CREB5: variants seen among roughly 807,000 people sequenced by gnomAD.
The protein encoded by CREB5 is cAMP responsive element binding protein 5.
CREB5 carries 19 observed loss-of-function variants against 57.1 expected under a neutral mutation model. The observed-to-expected ratio is 0.33, with a 90% CI of 0.23 to 0.49. The LOEUF (loss-of-function observed/expected upper bound fraction) is 0.49. Ranked by LOEUF, CREB5 falls within the 20% of genes least tolerant of loss-of-function variation. CREB5 has a pLI of 0.99. For missense variants in CREB5, 579 were observed against 671.6 expected (o/e 0.86, Z 1.52); for synonymous variants, 238 against 238.3 (o/e 1.00, Z 0.01).
At chr7:28,619,374 C>A (rs1407968009) in intron 5 of CREB5, among the ~76,000 whole-genome samples, 1 of 152,236 alleles carries the variant, frequency 6.6e-6, no homozygotes, top group South Asian at 2.1e-4. Flanking sequence ...ATGTTCCTCA[C>A]TGGCAAATGT....
intron 4 of CREB5, among the ~76,000 whole-genome samples, chr7:28,561,005 C>CGT (rs1375240061): frequency 3.7e-5 from 1 of 26,926 alleles, no homozygotes; most frequent in Non-Finnish European, 7.9e-5. Flanking sequence ...CCTGCGTGTG[C>CGT]GTGTGTGTGT....
At chr7:28,550,893 C>T (rs993377396) in intron 4 of CREB5, among the ~76,000 whole-genome samples, 8 of 152,242 alleles carry the variant, frequency 5.3e-5, no homozygotes, top group African/African-American at 1.9e-4. Context: ...AGTATCACCC[C>T]GAGGCTTCAG....
chr7:28,386,799 T>C (rs1179497790), intron 1 of CREB5, among the ~76,000 whole-genome samples: 1 of 152,200 alleles, frequency 6.6e-6, no homozygotes, highest in Non-Finnish European at 1.5e-5. Flanking sequence ...TGTTACCCTG[T>C]GCTTTTAAAT....
intron 1 of CREB5, among the ~76,000 whole-genome samples, chr7:28,470,565 G>A (rs1790762802): frequency 6.6e-6 from 1 of 152,150 alleles, no homozygotes; most frequent in Admixed American, 6.5e-5. Context: ...TCAATATATT[G>A]ATTTCTTTTC....
chr7:28,340,551 G>A (rs571324304), intron 1 of CREB5, among the ~76,000 whole-genome samples: 1 of 152,266 alleles, frequency 6.6e-6, no homozygotes, highest in South Asian at 2.1e-4. Context: ...ACCTTAAGTG[G>A]AAGGAAGGAG....
chr7:28,692,993 T>A (rs1801352884), intron 5 of CREB5, among the ~76,000 whole-genome samples: 1 of 152,220 alleles, frequency 6.6e-6, no homozygotes, highest in Non-Finnish European at 1.5e-5. Context: ...GATGAGGCAA[T>A]GCTGTACCCA....
intron 1 of CREB5, among the ~76,000 whole-genome samples, chr7:28,393,653 A>G (rs1255469976): frequency 2.0e-5 from 3 of 152,234 alleles, no homozygotes; most frequent in East Asian, 3.8e-4. Flanking sequence ...AATAGCAACT[A>G]TATATTGGGG....
chr7:28,301,332 C>T (rs1785095447), intron 1 of CREB5, among the ~76,000 whole-genome samples: 1 of 152,172 alleles, frequency 6.6e-6, no homozygotes, highest in African/African-American at 2.4e-5. Context: ...TTGACCAAAA[C>T]CCATTGGGAA....
intron 5 of CREB5, among the ~76,000 whole-genome samples, chr7:28,622,042 C>T (rs1797814404): frequency 6.6e-6 from 1 of 152,006 alleles, no homozygotes; most frequent in South Asian, 2.1e-4. Flanking sequence ...ATCTTATTAC[C>T]AGGGTGGAGG....
At chr7:28,751,924 G>A (rs966507629) in intron 7 of CREB5, among the ~76,000 whole-genome samples, 1 of 151,882 alleles carries the variant, frequency 6.6e-6, no homozygotes, top group Non-Finnish European at 1.5e-5. Context: ...TATTTCTTAC[G>A]AGTACCGGTC....
rs142333303 is a variant in CREB5 at position 28,687,788 on chromosome 7, G to C, written c.465-30965G>C. Among the ~76,000 whole-genome samples the C allele has an allele frequency of 2.2e-3, 330 of 152,160 alleles. 1 individual carries two copies. Among genetic ancestry groups the C allele is most frequent in the Non-Finnish European group, 2.6e-3 (174 of 67,994 alleles). On this transcript the variant is annotated intron_variant, in intron 5 of 10. Transcript: ENST00000357727. ...TTTTGGGCAGAGGTGGAAGTGGGGA[G>C]CAGAGGGGAGAAGTAATTTTTGGAG...
intron 5 of CREB5, among the ~76,000 whole-genome samples, chr7:28,638,199 A>G (rs1798499800): frequency 6.6e-6 from 1 of 151,648 alleles, no homozygotes; most frequent in Admixed American, 6.6e-5. Context: ...CAATCACTGC[A>G]GTGTTGGTTA....
At chr7:28,794,717 A>T (rs1256787496) in intron 7 of CREB5, among the ~76,000 whole-genome samples, 1 of 151,776 alleles carries the variant, frequency 6.6e-6, no homozygotes, top group Non-Finnish European at 1.5e-5. Flanking sequence ...CCCAGCCTTC[A>T]TTCCCTACAT....
intron 4 of CREB5, among the ~76,000 whole-genome samples, chr7:28,564,100 T>C (rs1409179870): frequency 1.3e-5 from 2 of 152,246 alleles, no homozygotes; most frequent in Non-Finnish European, 2.9e-5. Context: ...TGTGAATGTC[T>C]TGCATATCTT....
chr7:28,360,966 G>T (rs762805901), intron 1 of CREB5, among the ~76,000 whole-genome samples: 6 of 152,048 alleles, frequency 3.9e-5, no homozygotes, highest in Admixed American at 3.3e-4. Context: ...GAGGGGCAGG[G>T]TGCTACCAGC....
chr7:28,616,934 C>A (rs1348419800), intron 5 of CREB5, among the ~76,000 whole-genome samples: 1 of 152,190 alleles, frequency 6.6e-6, no homozygotes, highest in Non-Finnish European at 1.5e-5. Context: ...CTATCTAAGT[C>A]CCTATAAAGC....
chr7:28,691,644 C>T (rs1179968275), intron 5 of CREB5, among the ~76,000 whole-genome samples: 4 of 151,918 alleles, frequency 2.6e-5, no homozygotes, highest in Admixed American at 6.6e-5. Flanking sequence ...TCTCTGGGGT[C>T]CAAGAGGCAC....
chr7:28,391,432 T>C (rs971423859), intron 1 of CREB5, among the ~76,000 whole-genome samples: 2 of 152,246 alleles, frequency 1.3e-5, no homozygotes, highest in Non-Finnish European at 2.9e-5. Flanking sequence ...ATAGAATGAA[T>C]GTTTTGAAAA....
At chr7:28,407,296 C>A (rs1428299568) in intron 1 of CREB5, among the ~76,000 whole-genome samples, 1 of 152,190 alleles carries the variant, frequency 6.6e-6, no homozygotes, top group Admixed American at 6.5e-5. Flanking sequence ...GGTGATCCAC[C>A]TGCCTCGGCC....
Sources: allele counts gnomAD v4.1 joint callset (sites outside exome capture counted in the v4.1 genomes callset), GRCh38; gene constraint gnomAD v4.1.1; transcripts MANE v1.5; gene names NCBI Gene and HGNC (gene_info 2026-07-23, HGNC 2026-07-21).